The following ELOVL6 variants were observed in gnomAD, a reference collection of about 807,000 sequenced individuals.
ELOVL6 encodes ELOVL fatty acid elongase 6.
In ELOVL6, 8 loss-of-function variants were observed where a neutral mutation model predicts 31.7. That is an observed-to-expected ratio of 0.25 (90% CI 0.15 to 0.45). The LOEUF is 0.45. Ranked by LOEUF, ELOVL6 falls within the 20% of genes least tolerant of loss-of-function variation. The probability of loss-of-function intolerance (pLI) is 1.00; values close to 1 mark genes in which losing one functional copy is unlikely to be tolerated. For missense variants in ELOVL6, 126 were observed against 326.4 expected, an observed-to-expected ratio of 0.39 and a Z score of 4.73; for synonymous variants, 101 against 117.7, an observed-to-expected ratio of 0.86 and a Z score of 0.92.
chr4:110,144,420 C>T (rs975631724), intron 1 of ELOVL6, among the ~76,000 whole-genome samples: 3 of 152,166 alleles, frequency 2.0e-5, no homozygotes, highest in Admixed American at 2.0e-4. Flanking sequence ...TAATACTATG[C>T]TGGCATTAAA....
chr4:110,072,502 T>C (rs1174465559), intron 2 of ELOVL6, among the ~76,000 whole-genome samples: 1 of 152,092 alleles, frequency 6.6e-6, no homozygotes, highest in Non-Finnish European at 1.5e-5. Flanking sequence ...CTAGTATTTC[T>C]AGAAATCATG....
chr4:110,097,305 C>CAAAAAAAAAAAAAA lies in ELOVL6; in HGVS notation c.221+8178_221+8191dup, dbSNP rs33970271. 6.7e-3 allele frequency among the ~76,000 whole-genome samples: 595 copies of CAAAAAAAAAAAAAA among 88,432 alleles called. 13 individuals carry two copies. Among genetic ancestry groups the CAAAAAAAAAAAAAA allele is most frequent in the East Asian group, 8.8e-3 (22 of 2,504 alleles). The allele number at this position is 88,432 out of a possible 152,430, so 58.0% of individuals were successfully genotyped here. A position where few individuals can be genotyped will look rare whatever the true frequency, so the allele number is the denominator to read the frequency against. On this transcript the variant is annotated intron_variant, in intron 2 of 3. Coordinates refer to ENST00000302274, the MANE Select transcript of ELOVL6 (RefSeq NM_024090.3). ...GGGTGACAGAGCGAGACTCCATCTCCAAAAAAAAAAAAAAAAAGCTTAAGA... is the reference window on the plus strand; with the variant it reads ...GGGTGACAGAGCGAGACTCCATCTCCAAAAAAAAAAAAAAAAAAAAAAAAAAAAAAAGCTTAAGA...
chr4:110,106,344 G>C (rs1356644536), intron 1 of ELOVL6, among the ~76,000 whole-genome samples: 1 of 152,146 alleles, frequency 6.6e-6, no homozygotes, highest in Admixed American at 6.6e-5. Context: ...AAGAATAAAA[G>C]AATGGTTATT....
At chr4:110,191,114 C>T (rs763500841) in intron 1 of ELOVL6, among the ~76,000 whole-genome samples, 9 of 152,156 alleles carry the variant, frequency 5.9e-5, no homozygotes, top group East Asian at 1.9e-4. Flanking sequence ...CCACCATACC[C>T]GACCCATACA....
In ELOVL6 at chr4:110,140,836, T is replaced by C. The variant is rs530383627; in HGVS notation, c.90-35208A>G. The stretch of plus-strand genomic sequence containing the variant: ...AAAGTTTAGCAAAATCTAAATAATA[T>C]TGTGCATATTCTTTTATTACTGTAT... On this transcript the variant is annotated intron_variant, in intron 1 of 3. Transcript: ENST00000302274. Among the ~76,000 whole-genome samples the C allele has an allele frequency of 3.3e-5, 5 of 151,952 alleles. 1 individual carries two copies. In the East Asian group the frequency reaches 9.7e-4, roughly 29 times the overall value.
intron 1 of ELOVL6, among the ~76,000 whole-genome samples, chr4:110,158,969 G>A (rs553740982): frequency 6.6e-6 from 1 of 151,852 alleles, no homozygotes; most frequent in Admixed American, 6.6e-5. Flanking sequence ...CCAAGATATT[G>A]GATTACTAAG....
At chr4:110,186,959 C>T (rs1420083288) in intron 1 of ELOVL6, among the ~76,000 whole-genome samples, 1 of 145,822 alleles carries the variant, frequency 6.9e-6, no homozygotes, top group East Asian at 2.0e-4. Context: ...GTCAATGTTC[C>T]GTGATTTCAA....
upstream of ELOVL6, chr4:110,198,734 G>C (rs925168954): frequency 1.1e-5 from 2 of 174,384 alleles, no homozygotes; most frequent in African/African-American, 4.8e-5. Context: ...ACCTCTCTCC[G>C]CCCGGGGGGG....
At position 110,051,031 on chromosome 4, in the gene ELOVL6, A is replaced by C; in HGVS notation, c.*307T>G. On this transcript the variant is annotated 3_prime_UTR_variant, in exon 4 of 4. Transcript: ENST00000302274. The surrounding 1 kb of genome is among the most constrained non-coding windows in gnomAD (Gnocchi z 4.8). ...TGTTAATAGCCTTTGTTTGCCTTTG[A>C]TTAGTCTCCTCTGCTTCTGGCTTGC... 1 of 330,524 alleles carries C rather than the reference A, an allele frequency of 3.0e-6. No homozygotes were observed. Among genetic ancestry groups the C allele is most frequent in the Non-Finnish European group, 5.6e-6 (1 of 178,540 alleles). The allele number at this position is 330,524 out of a possible 1,614,324, so 20.5% of individuals were successfully genotyped here.
chr4:110,095,007 G>A (rs1311970850), intron 2 of ELOVL6, among the ~76,000 whole-genome samples: 1 of 152,158 alleles, frequency 6.6e-6, no homozygotes, highest in Non-Finnish European at 1.5e-5. Context: ...ATCAGTTAAG[G>A]CAATATATAG....
At chr4:110,186,544 T>G (rs1429886355) in intron 1 of ELOVL6, among the ~76,000 whole-genome samples, 1 of 151,742 alleles carries the variant, frequency 6.6e-6, no homozygotes, top group Non-Finnish European at 1.5e-5. Context: ...TGGGTTCAGG[T>G]GCAATGGCTC....
At position 110,144,054 on chromosome 4, in the gene ELOVL6, C is replaced by CAA. The variant is rs10716398; in HGVS notation, c.90-38428_90-38427dup. Among the ~76,000 whole-genome samples, 548 of 85,510 alleles carry CAA rather than the reference C, an allele frequency of 6.4e-3. 8 individuals are homozygous for CAA. Among genetic ancestry groups the CAA allele is most frequent in the African/African-American group, 0.022 (496 of 23,064 alleles). 56.1% of individuals were successfully genotyped at this position (85,510 alleles called of 152,430 possible). ...GGGCAACAAGAGCGAAACTCCATCT[C>CAA]AAAAAAAAAAAAAAAAAAAAAGATG... On this transcript the variant is annotated intron_variant, in intron 1 of 3. Transcript: ENST00000302274.
At chr4:110,100,560 G>A (rs1433653871) in intron 2 of ELOVL6, among the ~76,000 whole-genome samples, 2 of 152,162 alleles carry the variant, frequency 1.3e-5, no homozygotes, top group Admixed American at 1.3e-4. Context: ...AGTGAACAGT[G>A]TATGGCATCT....
chr4:110,153,503 A>G (rs1440835226), intron 1 of ELOVL6, among the ~76,000 whole-genome samples: 1 of 152,184 alleles, frequency 6.6e-6, no homozygotes, highest in African/African-American at 2.4e-5. Context: ...GATGATGAGA[A>G]ATGTACTTAT....
rs747524286 is a variant in ELOVL6 at position 110,198,227 on chromosome 4, CA to C, written c.89+19del. ...CGCGCAGGGCTCCCGGGAACAGTAT[CA>C]GGCGAAAGCATCACGTACCAGTTTT... On this transcript the variant is annotated intron_variant, in intron 1 of 3. Coordinates refer to ENST00000302274, the MANE Select transcript of ELOVL6 (RefSeq NM_024090.3). 1.3e-5 allele frequency: 19 copies of C among 1,465,784 alleles called. No homozygotes were observed. Among genetic ancestry groups the C allele is most frequent in the Non-Finnish European group, 1.6e-5 (17 of 1,044,868 alleles). 90.8% of individuals were successfully genotyped at this position (1,465,784 alleles called of 1,614,324 possible). A position where few individuals can be genotyped will look rare whatever the true frequency, so the allele number is the denominator to read the frequency against.
Position 110,198,559 on chromosome 4 carries a change from C to A in ELOVL6, c.-224G>T. 4.1e-6 allele frequency: 2 copies of A among 485,470 alleles called. No individual in the cohort carries two copies. The highest frequency in any genetic ancestry group is 7.3e-6 in the Non-Finnish European group (2 of 275,544). The allele number at this position is 485,470 out of a possible 1,614,324, so 30.1% of individuals were successfully genotyped here. On this transcript the variant is annotated 5_prime_UTR_variant, in exon 1 of 4. Transcript: ENST00000302274. The stretch of plus-strand genomic sequence containing the variant: ...TCCCAGCTCCTCTCTCTGGGGCTCT[C>A]CTCCTCCCGGCGTCCGCATCCACCG...
intron 2 of ELOVL6, among the ~76,000 whole-genome samples, chr4:110,086,106 G>T (rs937415520): frequency 1.3e-5 from 2 of 152,180 alleles, no homozygotes; most frequent in African/African-American, 4.8e-5. Flanking sequence ...CCCTCCCTCA[G>T]ATGCTCATAA....
At chr4:110,097,169 G>T (rs1232306804) in intron 2 of ELOVL6, among the ~76,000 whole-genome samples, 1 of 152,010 alleles carries the variant, frequency 6.6e-6, no homozygotes, top group African/African-American at 2.4e-5. Context: ...AGCCAAGCGT[G>T]GTGGCGGGTG....
At chr4:110,074,124 A>G (rs965740758) in intron 2 of ELOVL6, among the ~76,000 whole-genome samples, 1 of 152,110 alleles carries the variant, frequency 6.6e-6, no homozygotes, top group Non-Finnish European at 1.5e-5. Flanking sequence ...AATATCAGGG[A>G]GACTTGTCCC....
Sources: allele counts gnomAD v4.1 joint callset (sites outside exome capture counted in the v4.1 genomes callset), GRCh38; gene constraint gnomAD v4.1.1; non-coding constraint Gnocchi (gnomAD v3.1); transcripts MANE v1.5; gene names NCBI Gene and HGNC (gene_info 2026-07-23, HGNC 2026-07-21).